The following LIPA variants were observed in gnomAD, a reference collection of about 807,000 sequenced individuals.
LIPA encodes lysosomal acid lipase/cholesteryl ester hydrolase.
In LIPA, 26 loss-of-function variants were observed where a neutral mutation model predicts 40.6. The ratio of observed to expected loss-of-function variants is 0.64; its 90% CI spans 0.47 to 0.89. The LOEUF (loss-of-function observed/expected upper bound fraction) is 0.89. Among genes scored for constraint, LIPA ranks in the 40% least tolerant of loss-of-function variants. The pLI is 0.00. For missense variants in LIPA, 455 were observed against 479.6 expected (o/e 0.95, Z 0.48); for synonymous variants, 188 against 168.4 (o/e 1.12, Z -0.90).
At chr10:89,384,185 T>C in intron 2 of LIPA, 2 of 1,614,096 alleles carry the variant, frequency 1.2e-6, no homozygotes, top group African/African-American at 1.3e-5. Flanking sequence ...CATCACCAAA[T>C]GGGGCTTTGC....
At chr10:89,250,165 T>A (rs2863757) in intron 1 of LIPA, among the ~76,000 whole-genome samples, 18,715 of 146,852 alleles carry the variant, frequency 0.13, 1,473 homozygotes, top group African/African-American at 0.22. Context: ...AGTGGCGAGA[T>A]CTTGGCTCAC....
chr10:89,405,637 T>C (rs1000120552), intron 2 of LIPA: 3 of 152,234 alleles, frequency 2.0e-5, no homozygotes, highest in Non-Finnish European at 4.4e-5. Flanking sequence ...TTCCAGAGGC[T>C]GCCTGAATTC....
At chr10:89,366,277 T>C (rs1844056226) in intron 2 of LIPA, among the ~76,000 whole-genome samples, 1 of 152,196 alleles carries the variant, frequency 6.6e-6, no homozygotes, top group African/African-American at 2.4e-5. Context: ...GGAATGCTTG[T>C]GATTTTTGCA....
intron 7 of LIPA, among the ~76,000 whole-genome samples, chr10:89,223,260 C>T (rs948648315): frequency 3.3e-4 from 49 of 149,124 alleles, no homozygotes; most frequent in African/African-American, 1.2e-3. Flanking sequence ...CTATTGATCC[C>T]ATAACCACAG....
intron 3 of LIPA, among the ~76,000 whole-genome samples, chr10:89,237,034 G>C (rs1842913577): frequency 6.6e-6 from 1 of 152,200 alleles, no homozygotes; most frequent in Non-Finnish European, 1.5e-5. Flanking sequence ...AGCATTTTGG[G>C]AGGCCAAAGT....
chr10:89,241,449 G>A (rs549419270), intron 3 of LIPA, among the ~76,000 whole-genome samples: 32 of 152,200 alleles, frequency 2.1e-4, no homozygotes, highest in Admixed American at 1.0e-3. Flanking sequence ...TGTGTAGCCC[G>A]TTAGAGCACT....
chr10:89,364,685 ATAAT>A lies in LIPA; in HGVS notation c.61+48102_61+48105del, dbSNP rs1269140389. 4.0e-5 allele frequency among the ~76,000 whole-genome samples: 6 copies of A among 149,706 alleles called. No homozygotes were observed. In the East Asian group the frequency reaches 9.7e-4, roughly 24 times the overall value. On this transcript the variant is annotated intron_variant, in intron 2 of 8. Coordinates refer to the LIPA transcript ENST00000371837. ...ATATATGTATATATATAGTATATAT[ATAAT>A]TAGTCATTCTGACCTAAGGGAAGTT...
chr10:89,311,260 A>G (rs1044272147), intron 1 of LIPA, among the ~76,000 whole-genome samples: 1 of 152,074 alleles, frequency 6.6e-6, no homozygotes, highest in Non-Finnish European at 1.5e-5. Context: ...TGGTGGCTCA[A>G]GCCTAAAATC....
intron 2 of LIPA, among the ~76,000 whole-genome samples, chr10:89,348,288 C>A (rs1361897893): frequency 1.3e-5 from 2 of 152,124 alleles, no homozygotes; most frequent in Non-Finnish European, 1.5e-5. Context: ...TTTATGCCTC[C>A]CTGGGGGCTG....
At chr10:89,355,882 A>C (rs1843986189) in intron 2 of LIPA, among the ~76,000 whole-genome samples, 1 of 152,238 alleles carries the variant, frequency 6.6e-6, no homozygotes, top group African/African-American at 2.4e-5. Flanking sequence ...TATATGGTCT[A>C]AAAGTGGGAG....
At chr10:89,391,598 C>T (rs143285116) in intron 2 of LIPA, among the ~76,000 whole-genome samples, 11,615 of 150,502 alleles carry the variant, frequency 0.077, 1,110 homozygotes, top group African/African-American at 0.23. Context: ...GGTGTGATCT[C>T]GGCTCACTGC....
Position 89,334,478 on chromosome 10 carries a change from C to CTTTTTTTTT in LIPA, c.-2+8124_-2+8132dup, listed in dbSNP as rs578154457. Among the ~76,000 whole-genome samples the CTTTTTTTTT allele has an allele frequency of 3.4e-3, 87 of 25,336 alleles. 3 individuals carry two copies. The highest frequency in any genetic ancestry group is 4.1e-3 in the Non-Finnish European group (59 of 14,418). 16.6% of individuals were successfully genotyped at this position (25,336 alleles called of 152,430 possible). ...TGTTTTTTCTTCTTTTTCTTTTATT[C>CTTTTTTTTT]TTTTTTTTTTTTTTTTTTTTTTTTT... On this transcript the variant is annotated intron_variant, in intron 1 of 5. Coordinates refer to the LIPA transcript ENST00000282673.
At chr10:89,392,024 A>G (rs2133610633) in intron 2 of LIPA, among the ~76,000 whole-genome samples, 1 of 152,228 alleles carries the variant, frequency 6.6e-6, no homozygotes, top group East Asian at 1.9e-4. Flanking sequence ...ATTTCAAACC[A>G]TACCTCCTTG....
intron 1 of LIPA, among the ~76,000 whole-genome samples, chr10:89,269,468 T>G (rs778439123): frequency 5.6e-4 from 86 of 152,338 alleles, no homozygotes; most frequent in Non-Finnish European, 1.1e-3. Flanking sequence ...ATTTTTTTTT[T>G]GCTCTAATTA....
rs527378133 is a variant in LIPA, at chr10:89,213,878, C to T, written c.*950G>A. 4 of 152,104 alleles carry T rather than the reference C, an allele frequency of 2.6e-5. No individual in the cohort carries two copies. The highest frequency in any genetic ancestry group is 7.2e-5 in the African/African-American group (3 of 41,418). 9.4% of individuals were successfully genotyped at this position (152,104 alleles called of 1,614,324 possible). On this transcript the variant is annotated 3_prime_UTR_variant, in exon 10 of 10. Coordinates refer to ENST00000336233, the MANE Select transcript of LIPA (RefSeq NM_000235.4). ...TGAATCCCTGAGCTGAGTTTGCATC[C>T]GAAAACATCACGTTCACACTTCATT...
At chr10:89,281,503 A>C (rs1391101487) in intron 1 of LIPA, among the ~76,000 whole-genome samples, 1 of 152,228 alleles carries the variant, frequency 6.6e-6, no homozygotes, top group Non-Finnish European at 1.5e-5. Context: ...GCCCACTGCA[A>C]AATTTATCTT....
chr10:89,332,535 A>C, intron 1 of LIPA: 1 of 1,612,778 alleles, frequency 6.2e-7, no homozygotes, highest in Non-Finnish European at 8.5e-7. Context: ...CTGGGTGGAA[A>C]CCTCTTCAGC....
In LIPA at chr10:89,403,663, C is replaced by T. The variant is rs749646750; in HGVS notation, c.61+9128G>A. On this transcript the variant is annotated intron_variant, in intron 2 of 8. Transcript: ENST00000371837. ...GAAGCCCTGGAGTACTATGAGCGGG[C>T]CCTGAGACTGGCTGCTGACTTTGAG... The T allele has an allele frequency of 5.0e-6, 8 of 1,606,296 alleles. No individual in the cohort carries two copies. The Admixed American group carries it at 1.0e-4, about 21-fold the overall frequency.
intron 2 of LIPA, among the ~76,000 whole-genome samples, chr10:89,391,129 A>C (rs1844246053): frequency 6.6e-6 from 1 of 152,258 alleles, no homozygotes; most frequent in Admixed American, 6.5e-5. Flanking sequence ...TCCAAAAGGA[A>C]AATACTCTTG....
Sources: allele counts gnomAD v4.1 joint callset (sites outside exome capture counted in the v4.1 genomes callset), GRCh38; gene constraint gnomAD v4.1.1; transcripts MANE v1.5; gene names NCBI Gene and HGNC (gene_info 2026-07-23, HGNC 2026-07-21).